TMEM165: variants seen among roughly 807,000 people sequenced by gnomAD.
TMEM165 encodes the protein transmembrane protein 165.
A neutral mutation model predicts 30.0 loss-of-function variants in TMEM165; 19 were observed. That is an observed-to-expected ratio of 0.63 (90% CI 0.44 to 0.93). The LOEUF (loss-of-function observed/expected upper bound fraction) is 0.93. Ranked by LOEUF, TMEM165 falls within the 40% of genes least tolerant of loss-of-function variation. The pLI, the probability that TMEM165 is intolerant of heterozygous loss-of-function variation, is 0.00. For missense variants in TMEM165, 340 were observed against 417.0 expected, an observed-to-expected ratio of 0.82 and a Z score of 1.61; for synonymous variants, 168 against 162.9, an observed-to-expected ratio of 1.03 and a Z score of -0.24.
chr4:55,425,511 AG>A lies in TMEM165; in HGVS notation c.*60del. On this transcript the variant is annotated 3_prime_UTR_variant, in exon 6 of 6. Transcript: ENST00000381334. ...TAGGTAGTATTATCTTTCTGTACAT[AG>A]TGTACATTACAACTAAAAGTGATGG... 6 of 1,304,830 alleles carry A rather than the reference AG, an allele frequency of 4.6e-6. No individual in the cohort carries two copies. Among genetic ancestry groups the A allele is most frequent in the Non-Finnish European group, 6.6e-6 (6 of 906,786 alleles). The allele number at this position is 1,304,830 out of a possible 1,614,324, so 80.8% of individuals were successfully genotyped here.
chr4:55,403,113 A>AGT (rs1183228756), intron 1 of TMEM165: 1 of 488,262 alleles, frequency 2.0e-6, no homozygotes, highest in Non-Finnish European at 3.3e-6. Flanking sequence ...TTTTTGACTT[A>AGT]GTAGTGCCCA....
intron 1 of TMEM165, among the ~76,000 whole-genome samples, chr4:55,408,265 T>G (rs879462019): frequency 6.6e-6 from 1 of 152,178 alleles, no homozygotes; most frequent in Non-Finnish European, 1.5e-5. Context: ...ATTTTTCTTG[T>G]GTTTTGTGTG....
intron 1 of TMEM165, among the ~76,000 whole-genome samples, chr4:55,396,693 G>A (rs1720744420): frequency 6.6e-6 from 1 of 152,216 alleles, no homozygotes. Context: ...GTGTCTTAGA[G>A]TAGCTAGAAA....
chr4:55,434,882 G>GA (rs5858333), intron 3 of TMEM165: 57,445 of 169,778 alleles, frequency 0.34, 10,582 homozygotes, highest in East Asian at 0.58. Context: ...TGTACATAGA[G>GA]AATTTGAACC....
intron 4 of TMEM165, 60 bp downstream of exon 4, chr4:55,418,045 C>T: frequency 6.8e-7 from 1 of 1,481,138 alleles, no homozygotes; most frequent in Non-Finnish European, 9.2e-7. Flanking sequence ...TACTTTGTTC[C>T]AGAAAACACT....
chr4:55,417,764 T>C, intron 3 of TMEM165, 39 bp from the exon 4 acceptor site: 1 of 1,491,472 alleles, frequency 6.7e-7, no homozygotes, highest in Non-Finnish European at 9.1e-7. Flanking sequence ...TTTGATTTGC[T>C]TCCTGTGCTT....
At chr4:55,418,122 T>C in intron 4 of TMEM165, 137 bp downstream of exon 4, 1 of 794,954 alleles carries the variant, frequency 1.3e-6, no homozygotes, top group Non-Finnish European at 1.8e-6. Flanking sequence ...ATAATTCAGC[T>C]GCTCTCTAAA....
At chr4:55,444,372 T>C (rs1395053351) in intron 3 of TMEM165, among the ~76,000 whole-genome samples, 1 of 152,164 alleles carries the variant, frequency 6.6e-6, no homozygotes, top group African/African-American at 2.4e-5. Flanking sequence ...TTTTATATTA[T>C]GGATTCAAAC....
chr4:55,441,581 C>T (rs1422692432), intron 3 of TMEM165, among the ~76,000 whole-genome samples: 2 of 152,118 alleles, frequency 1.3e-5, no homozygotes, highest in Admixed American at 1.3e-4. Context: ...CATTTTGCAG[C>T]AACTTGGATG....
chr4:55,422,793 G>A (rs1722035243), intron 4 of TMEM165, among the ~76,000 whole-genome samples: 2 of 152,044 alleles, frequency 1.3e-5, no homozygotes, highest in Admixed American at 6.6e-5. Context: ...GGGACTACAG[G>A]TGCCTGCCAC....
rs1245128532 is a variant in TMEM165, at chr4:55,402,742, C to T, written c.207+6346C>T. Reference sequence around the variant, plus strand: ...GATTACAGGCATGAGCCACCATGCCCGGCCTAAGTGCATATATATTTTTGG... The same window carrying T: ...GATTACAGGCATGAGCCACCATGCCTGGCCTAAGTGCATATATATTTTTGG... On this transcript the variant is annotated intron_variant, in intron 1 of 5. Transcript: ENST00000381334. Among the ~76,000 whole-genome samples the T allele has an allele frequency of 6.9e-5, 10 of 144,192 alleles. No homozygotes were observed. The East Asian group carries it at 9.9e-4, about 14-fold the overall frequency. 94.6% of individuals were successfully genotyped at this position (144,192 alleles called of 152,430 possible).
At chr4:55,419,437 C>G (rs778977068) in intron 4 of TMEM165, among the ~76,000 whole-genome samples, 4 of 152,184 alleles carry the variant, frequency 2.6e-5, no homozygotes, top group African/African-American at 9.7e-5. Context: ...CCAGAGAGAT[C>G]GGGTGACTTG....
chr4:55,437,742 C>G (rs1162733317), intron 3 of TMEM165, among the ~76,000 whole-genome samples: 2 of 152,142 alleles, frequency 1.3e-5, no homozygotes, highest in African/African-American at 4.8e-5. Flanking sequence ...GTGACTCAAC[C>G]CCAAGGCAGC....
At chr4:55,448,602 G>GCGCA (rs1553891251) in intron 3 of TMEM165, among the ~76,000 whole-genome samples, 7 of 14,384 alleles carry the variant, frequency 4.9e-4, no homozygotes, top group Non-Finnish European at 7.0e-4. Context: ...GCACGCGCGC[G>GCGCA]TGTGTGTGTG....
At position 55,411,745 on chromosome 4, in the gene TMEM165, A is replaced by G; in HGVS notation, c.339A>G (p.Thr113=). The part of the protein sequence containing the change: ...VIIVSELGDK[T]FFIAAIMAMR... ...TTGTATCTGAATTGGGTGATAAGACATTTTTTATAGCAGCCATCATGGCAA... is the reference window on the plus strand; with the variant it reads ...TTGTATCTGAATTGGGTGATAAGACGTTTTTTATAGCAGCCATCATGGCAA... The change falls in exon 2 of 6, where the codon ACA becomes ACG. Residue 113 remains threonine, a synonymous_variant. Coordinates refer to ENST00000381334, the MANE Select transcript of TMEM165 (RefSeq NM_018475.5). 1 of 1,614,154 alleles carries G rather than the reference A, an allele frequency of 6.2e-7. No individual in the cohort carries two copies.
In TMEM165 at chr4:55,396,241, C is replaced by G. The variant is rs756276628; in HGVS notation, c.52C>G (p.Leu18Val). 2.7e-6 allele frequency: 4 copies of G among 1,496,704 alleles called. No individual in the cohort carries two copies. In the East Asian group the frequency reaches 1.1e-4, roughly 43 times the overall value. 92.7% of individuals were successfully genotyped at this position (1,496,704 alleles called of 1,614,324 possible). ...CCGCGCATCGGCGCCCCGGCTGCTT[C>G]TGCTCTTTCTGGTTCCGCTGCTGTG... Reference protein sequence around the residue: ...NGRASAPRLLLLFLVPLLWAP... With the variant: ...NGRASAPRLLVLFLVPLLWAP... The change falls in exon 1 of 6, where the codon CTG becomes GTG. Residue 18 changes from leucine to valine, a missense_variant. By Grantham distance (32) the Leu-to-Val change is conservative. Coordinates refer to ENST00000381334, the MANE Select transcript of TMEM165 (RefSeq NM_018475.5).
chr4:55,449,067 C>A (rs1724197630), intron 3 of TMEM165, among the ~76,000 whole-genome samples: 1 of 151,912 alleles, frequency 6.6e-6, no homozygotes, highest in African/African-American at 2.4e-5. Flanking sequence ...AAGGAACTTC[C>A]TACAGTACCT....
chr4:55,402,608 C>T (rs2109525659), intron 1 of TMEM165, among the ~76,000 whole-genome samples: 1 of 143,552 alleles, frequency 7.0e-6, no homozygotes, highest in South Asian at 2.1e-4. Flanking sequence ...CCACCACGCC[C>T]AGCTGATTTT....
At chr4:55,407,238 A>G (rs543402225) in intron 1 of TMEM165, among the ~76,000 whole-genome samples, 2 of 152,194 alleles carry the variant, frequency 1.3e-5, no homozygotes, top group South Asian at 2.1e-4. Flanking sequence ...GTGGGAAGGG[A>G]AAAAGGACTG....
Sources: allele counts gnomAD v4.1 joint callset (sites outside exome capture counted in the v4.1 genomes callset), GRCh38; gene constraint gnomAD v4.1.1; transcripts MANE v1.5; gene names NCBI Gene and HGNC (gene_info 2026-07-23, HGNC 2026-07-21).